Variants in CD300A observed in about 807,000 individuals in gnomAD.
CD300A encodes CD300a molecule.
A neutral mutation model predicts 33.6 loss-of-function variants in CD300A; 22 were observed. The observed-to-expected ratio is 0.66, with a 90% CI of 0.47 to 0.94. The LOEUF is 0.94. Ranked by LOEUF, CD300A falls within the 40% of genes least tolerant of loss-of-function variation. The pLI is 0.00. For missense variants in CD300A, 326 were observed against 360.5 expected (o/e 0.90, Z 0.77); for synonymous variants, 136 against 148.1 (o/e 0.92, Z 0.59).
intron 1 of CD300A, among the ~76,000 whole-genome samples, chr17:74,467,861 T>A (rs1474429177): frequency 6.6e-6 from 1 of 152,118 alleles, no homozygotes; most frequent in Non-Finnish European, 1.5e-5. Context: ...TCCCATTGAC[T>A]CATTGGCTGG....
rs991826957 is a variant in CD300A, at chr17:74,473,720, G to A, written c.225G>A (p.Val75=). ...KGSAGKRNGR[V]SIRDSPANLS... The stretch of plus-strand genomic sequence containing the variant: ...CAGCAGGAAAAAGGAACGGCCGAGT[G>A]TCCATCAGGGACAGTCCTGCAAACC... The change falls in exon 2 of 7, where the codon GTG becomes GTA. Residue 75 remains valine (V), a synonymous_variant. Transcript: ENST00000360141. 1 of 1,614,124 alleles carries A rather than the reference G, an allele frequency of 6.2e-7. No individual in the cohort carries two copies. The highest frequency in any genetic ancestry group is 8.5e-7 in the Non-Finnish European group (1 of 1,180,052).
Position 74,481,821 on chromosome 17 carries a change from A to C in CD300A, c.762A>C (p.Glu254Asp), listed in dbSNP as rs1340483065. 3.7e-6 allele frequency: 6 copies of C among 1,610,638 alleles called. No homozygotes were observed. The highest frequency in any genetic ancestry group is 5.1e-6 in the Non-Finnish European group (6 of 1,178,612). The change falls in exon 6 of 7, where the codon GAA becomes GAC. Residue 254 changes from glutamate (E) to aspartate (D), a missense_variant. Glu to Asp is a conservative substitution (Grantham distance 45, BLOSUM62 2). Transcript: ENST00000360141. ...CACCACCAAGGGAGGTGGAGGTGGA[A>C]TACAGCACTGTGGTAAGTGCAGGAG... Reference protein sequence around the residue: ...KPAPPREVEVEYSTVASPREE... With the variant: ...KPAPPREVEVDYSTVASPREE...
rs144648799 is a variant in CD300A at position 74,481,734 on chromosome 17, G to A, written c.675G>A (p.Thr225=). The A allele has an allele frequency of 3.7e-5, 60 of 1,609,144 alleles. No individual in the cohort carries two copies. The East Asian group carries it at 4.0e-4, about 11-fold the overall frequency. Residue 225 remains threonine (T), a synonymous_variant, in exon 6 of 7, where the codon ACG becomes ACA. Coordinates refer to ENST00000360141, the MANE Select transcript of CD300A (RefSeq NM_007261.4). ...ACCTCCTGCCCACCCAGGCTGCCAC[G>A]CAGAGTGAGCTGCACTACGCAAATC... The part of the protein sequence containing the change: ...ELSQNPKQAA[T]QSELHYANLE...
chr17:74,466,777 A>T (rs1179986905), intron 1 of CD300A, 34 bp downstream of exon 1: 1 of 1,570,174 alleles, frequency 6.4e-7, no homozygotes, highest in Non-Finnish European at 8.6e-7. Flanking sequence ...AGTCTGCGGC[A>T]GGGAGGGAGG....
intron 5 of CD300A, 26 bp from the exon 6 acceptor site, chr17:74,481,700 C>T (rs781365018): frequency 6.4e-7 from 1 of 1,554,862 alleles, no homozygotes; most frequent in Non-Finnish European, 8.8e-7. Flanking sequence ...CCGTGGACAC[C>T]CACCTGGGAC....
At chr17:74,482,693 CCTTCCTTTCTTTCTTTCTTT>C (rs1906952645) in intron 6 of CD300A, among the ~76,000 whole-genome samples, 3 of 102,216 alleles carry the variant, frequency 2.9e-5, no homozygotes, top group Admixed American at 1.7e-4. Context: ...TTCCTTCCTT[CCTTCCTTTCTTTCTTTCTTT>C]CTTTCTTTCT....
intron 5 of CD300A, 89 bp downstream of exon 5, chr17:74,481,415 G>T (rs993292956): frequency 2.5e-6 from 3 of 1,223,450 alleles, no homozygotes; most frequent in Non-Finnish European, 3.6e-6. Flanking sequence ...TCGGCCAACG[G>T]AGGTTGGATG....
At chr17:74,472,736 A>G (rs1208671923) in intron 1 of CD300A, among the ~76,000 whole-genome samples, 1 of 151,246 alleles carries the variant, frequency 6.6e-6, no homozygotes, top group Non-Finnish European at 1.5e-5. Context: ...CAGCCTCCCC[A>G]GTAGCTGCAA....
chr17:74,468,472 A>G (rs965626476), intron 1 of CD300A, among the ~76,000 whole-genome samples: 1 of 151,824 alleles, frequency 6.6e-6, no homozygotes, highest in Non-Finnish European at 1.5e-5. Context: ...AGCTGAGACT[A>G]CAGGTGTGTG....
intron 3 of CD300A, among the ~76,000 whole-genome samples, chr17:74,476,268 A>G (rs1906455399): frequency 6.6e-6 from 1 of 152,216 alleles, no homozygotes; most frequent in South Asian, 2.1e-4. Context: ...ATGAACAACA[A>G]AGACACTCCT....
rs762750596 is a variant in CD300A, at chr17:74,484,044, A to G, written c.818A>G (p.Asp273Gly). 6.2e-7 allele frequency: 1 copy of G among 1,613,824 alleles called. No individual in the cohort carries two copies. The highest frequency in any genetic ancestry group is 8.5e-7 in the Non-Finnish European group (1 of 1,179,920). Residue 273 changes from aspartate to glycine, a missense_variant, in exon 7 of 7, where the codon GAT becomes GGT. Transcript: ENST00000360141. ...CTTCACTATGCCTCGGTGGTGTTTG[A>G]TTCTAACACCAACAGGATAGCTGCT... Reference protein sequence around the residue: ...EELHYASVVFDSNTNRIAAQR... With the variant: ...EELHYASVVFGSNTNRIAAQR...
chr17:74,467,581 C>T (rs1905809415), intron 1 of CD300A, among the ~76,000 whole-genome samples: 2 of 152,246 alleles, frequency 1.3e-5, no homozygotes, highest in African/African-American at 4.8e-5. Context: ...CCACCGCTCT[C>T]CTCAGACAGC....
chr17:74,468,779 C>G (rs970077701), intron 1 of CD300A, among the ~76,000 whole-genome samples: 1 of 152,188 alleles, frequency 6.6e-6, no homozygotes, highest in Non-Finnish European at 1.5e-5. Context: ...GCCTCAGCCT[C>G]TTGAATAACT....
intron 1 of CD300A, among the ~76,000 whole-genome samples, chr17:74,470,602 G>A (rs1906034556): frequency 6.6e-6 from 1 of 152,100 alleles, no homozygotes; most frequent in Non-Finnish European, 1.5e-5. Flanking sequence ...GGTCAGGACA[G>A]GGAGCAGGAA....
At chr17:74,476,828 C>T (rs185912797) in intron 3 of CD300A, among the ~76,000 whole-genome samples, 1 of 152,156 alleles carries the variant, frequency 6.6e-6, no homozygotes, top group African/African-American at 2.4e-5. Context: ...CGTGGAAAGA[C>T]CTCTAAGATG....
intron 1 of CD300A, chr17:74,470,386 GGAGAGAGAGAAA>G (rs1206714392): frequency 3.0e-6 from 1 of 328,520 alleles, no homozygotes; most frequent in African/African-American, 2.2e-5. Flanking sequence ...AAGTTAATCA[GGAGAGAGAGAAA>G]GAGAGAGAGC....
At chr17:74,473,458 C>G (rs1472002619) in intron 1 of CD300A, 78 bp from the exon 2 acceptor site, 2 of 1,367,274 alleles carry the variant, frequency 1.5e-6, no homozygotes, top group East Asian at 4.6e-5. Flanking sequence ...CCCCCAGGGT[C>G]CATGCGGCCC....
chr17:74,482,697 C>CCTTT (rs146984765), intron 6 of CD300A, among the ~76,000 whole-genome samples: 4,758 of 130,118 alleles, frequency 0.037, 180 homozygotes, highest in Middle Eastern at 0.11. Context: ...TTCCTTCCTT[C>CCTTT]CTTTCTTTCT....
intron 1 of CD300A, among the ~76,000 whole-genome samples, chr17:74,473,161 A>G (rs1567979242): frequency 1.3e-5 from 2 of 152,092 alleles, no homozygotes; most frequent in Admixed American, 1.3e-4. Context: ...AGGGGCTACT[A>G]TGAGCAAAAT....
Sources: gnomAD v4.1 joint callset for allele counts (sites outside exome capture counted in the v4.1 genomes callset) on GRCh38, gnomAD v4.1.1 for gene constraint, MANE v1.5 for transcripts, NCBI Gene and HGNC (gene_info 2026-07-23, HGNC 2026-07-21) for gene names.